NDNF: variants seen among roughly 807,000 people sequenced by gnomAD.
NDNF encodes the protein protein NDNF.
Under a neutral mutation model 42.0 loss-of-function variants are expected in NDNF, and 16 were observed. The ratio of observed to expected loss-of-function variants is 0.38; its 90% CI spans 0.26 to 0.58. The LOEUF is 0.58. Ranked by LOEUF, NDNF falls within the 20% of genes least tolerant of loss-of-function variation. NDNF has a pLI of 0.67. For missense variants in NDNF, 616 were observed against 666.2 expected, an observed-to-expected ratio of 0.92 and a Z score of 0.83; for synonymous variants, 248 against 251.7, an observed-to-expected ratio of 0.99 and a Z score of 0.14.
chr4:121,050,566 A>G (rs1258232366), intron 1 of NDNF, among the ~76,000 whole-genome samples: 1 of 152,216 alleles, frequency 6.6e-6, no homozygotes, highest in African/African-American at 2.4e-5. Flanking sequence ...AGTTGCTAGG[A>G]TAATTCCAAA....
chr4:121,070,708 A>T (rs551820692), intron 1 of NDNF, among the ~76,000 whole-genome samples: 2 of 152,352 alleles, frequency 1.3e-5, no homozygotes, highest in African/African-American at 2.4e-5. Flanking sequence ...GTTGCTAAAA[A>T]GAACTCTGTA....
chr4:121,056,513 G>T (rs1191510361), intron 1 of NDNF, among the ~76,000 whole-genome samples: 2 of 152,108 alleles, frequency 1.3e-5, no homozygotes, highest in East Asian at 3.8e-4. Flanking sequence ...ATAACTACTG[G>T]TTTTGTTTGC....
rs758021012 is a variant in NDNF, at chr4:121,037,650, C to T, written c.321G>A (p.Leu107=). The change falls in exon 4 of 4, where the codon CTG becomes CTA. Residue 107 remains leucine, a synonymous_variant. Transcript: ENST00000379692. ...EDRSGEGSGD[L]EPLEQQKQQI... ...GCTGCTTCTGCTGCTCAAGAGGTTC[C>T]AGATCACCTAGAAAATACAGGAGAA... is the stretch of plus-strand genomic sequence containing the variant. 10 of 1,573,554 alleles carry T rather than the reference C, an allele frequency of 6.4e-6. No individual in the cohort carries two copies. The highest frequency in any genetic ancestry group is 8.6e-6 in the Non-Finnish European group (10 of 1,165,700).
intron 2 of NDNF, 126 bp downstream of exon 2, chr4:121,045,524 A>G (rs1727075177): frequency 1.4e-6 from 1 of 734,138 alleles, no homozygotes; most frequent in Admixed American, 2.7e-5. Flanking sequence ...CCTTACTTAC[A>G]GAAAATCGGT....
At position 121,036,768 on chromosome 4, in the gene NDNF, C is replaced by T; in HGVS notation, c.1203G>A (p.Val401=). 1 of 1,614,142 alleles carries T rather than the reference C, an allele frequency of 6.2e-7. No individual in the cohort carries two copies. The highest frequency in any genetic ancestry group is 1.1e-5 in the South Asian group (1 of 91,084). Reference sequence around the variant, plus strand: ...TAAGCTGAAACTGCTGAATGCCTTCCACATTCTGAGACAGAAGAAGTTTCC... The same window carrying T: ...TAAGCTGAAACTGCTGAATGCCTTCTACATTCTGAGACAGAAGAAGTTTCC... ...RDGKLLLSQN[V]EGIQQFQLRG... is the part of the protein sequence containing the mutation. Residue 401 remains valine, a synonymous_variant, in exon 4 of 4, where the codon GTG becomes GTA. Coordinates refer to ENST00000379692, the MANE Select transcript of NDNF (RefSeq NM_024574.4).
intron 1 of NDNF, among the ~76,000 whole-genome samples, chr4:121,063,184 A>G (rs1727443287): frequency 6.6e-6 from 1 of 152,184 alleles, no homozygotes; most frequent in Non-Finnish European, 1.5e-5. Context: ...GAACAACTTG[A>G]TAGGTAAATT....
intron 1 of NDNF, among the ~76,000 whole-genome samples, chr4:121,055,288 A>G (rs1474384530): frequency 3.3e-5 from 5 of 152,206 alleles, no homozygotes; most frequent in African/African-American, 9.6e-5. Flanking sequence ...GCAGTTGTCC[A>G]TGGTAGAGAT....
In NDNF at chr4:121,037,476, T is replaced by C. The variant is rs764050819; in HGVS notation, c.495A>G (p.Thr165=). The change falls in exon 4 of 4, where the codon ACA becomes ACG. Residue 165 remains threonine (T), a synonymous_variant. Coordinates refer to ENST00000379692, the MANE Select transcript of NDNF (RefSeq NM_024574.4). The part of the protein sequence containing the change: ...KDTHFKVYAT[T]TPESDQPYPE... ...GGTATGGCTGATCAGATTCTGGAGT[T>C]GTGGTGGCATATACTTTGAAATGTG... 4 of 1,614,126 alleles carry C rather than the reference T, an allele frequency of 2.5e-6. No homozygotes were observed. In the South Asian group the frequency reaches 4.4e-5, roughly 18 times the overall value.
In NDNF at chr4:121,036,885, A is replaced by G; in HGVS notation, c.1086T>C (p.Phe362=). ...GAGAAGAGACTGGAGCAAACCGTAG[A>G]AACTTTGCTCCCTTCCTTTTAACAA... ...DVFVKRKGAK[F]LRFAPVSSHQ... Residue 362 remains phenylalanine, a synonymous_variant, in exon 4 of 4, where the codon TTT becomes TTC. Transcript: ENST00000379692. The G allele has an allele frequency of 1.9e-6, 3 of 1,614,048 alleles. No individual in the cohort carries two copies. The highest frequency in any genetic ancestry group is 2.5e-6 in the Non-Finnish European group (3 of 1,180,020).
rs1478410315 is a variant in NDNF, at chr4:121,037,022, C to T, written c.949G>A (p.Val317Ile). ...GTGCTCATGTTGCTGTTGATGTTGA[C>T]CACAAATACATCAAAGTAGTACTGC... Reference protein sequence around the residue: ...DTQYYFDVFVVNINSNMSTAY... With the variant: ...DTQYYFDVFVININSNMSTAY... Residue 317 changes from valine (V) to isoleucine (I), a missense_variant, in exon 4 of 4, where the codon GTC (valine) becomes ATC (isoleucine). By Grantham distance (29) the Val-to-Ile change is conservative (BLOSUM62 3). Coordinates refer to ENST00000379692, the MANE Select transcript of NDNF (RefSeq NM_024574.4). 1 of 1,613,948 alleles carries T rather than the reference C, an allele frequency of 6.2e-7. No homozygotes were observed. The highest frequency in any genetic ancestry group is 8.5e-7 in the Non-Finnish European group (1 of 1,180,014).
intron 1 of NDNF, among the ~76,000 whole-genome samples, chr4:121,057,911 A>G (rs1727325657): frequency 6.6e-6 from 1 of 152,192 alleles, no homozygotes; most frequent in Admixed American, 6.5e-5. Flanking sequence ...TTAAGTGCCT[A>G]CTGCAAGTCC....
At chr4:121,046,231 A>G (rs967598415) in intron 1 of NDNF, among the ~76,000 whole-genome samples, 4 of 152,208 alleles carry the variant, frequency 2.6e-5, no homozygotes, top group African/African-American at 7.2e-5. Flanking sequence ...TTGAACTATT[A>G]TAAAAGTTAT....
At chr4:121,071,763 CAACAAT>C (rs1468002771) in intron 1 of NDNF, 1 of 58,312 alleles carries the variant, frequency 1.7e-5, no homozygotes, top group Non-Finnish European at 3.9e-5. Context: ...CAAACAACAA[CAACAAT>C]AAAAAAAAAA....
chr4:121,058,847 T>C (rs978075944), intron 1 of NDNF, among the ~76,000 whole-genome samples: 5 of 152,268 alleles, frequency 3.3e-5, no homozygotes, highest in African/African-American at 1.2e-4. Flanking sequence ...CACTGGCATC[T>C]TTACAAACAA....
intron 1 of NDNF, among the ~76,000 whole-genome samples, chr4:121,057,739 G>T (rs1484459074): frequency 1.3e-5 from 2 of 152,228 alleles, no homozygotes; most frequent in Non-Finnish European, 2.9e-5. Flanking sequence ...TGTTCCTACA[G>T]AGGGAGGATG....
At chr4:121,043,362 G>C (rs1224916358) in intron 2 of NDNF, among the ~76,000 whole-genome samples, 2 of 152,128 alleles carry the variant, frequency 1.3e-5, no homozygotes, top group Non-Finnish European at 2.9e-5. Flanking sequence ...TCAACAACAT[G>C]TTTGTGTGCT....
chr4:121,058,444 C>T (rs1400667201), intron 1 of NDNF, among the ~76,000 whole-genome samples: 1 of 152,166 alleles, frequency 6.6e-6, no homozygotes, highest in Non-Finnish European at 1.5e-5. Flanking sequence ...TCCACTCCTT[C>T]CTCTGCCAGA....
At chr4:121,053,165 A>G (rs986054930) in intron 1 of NDNF, among the ~76,000 whole-genome samples, 1 of 152,240 alleles carries the variant, frequency 6.6e-6, no homozygotes, top group Non-Finnish European at 1.5e-5. Flanking sequence ...GGACCTGCAC[A>G]TGCATTTCAA....
At chr4:121,061,469 C>T (rs1398807710) in intron 1 of NDNF, 1 of 152,448 alleles carries the variant, frequency 6.6e-6, no homozygotes, top group Non-Finnish European at 1.5e-5. Flanking sequence ...GCCAGATCGC[C>T]CTCACGTCCA....
Sources: gnomAD v4.1 joint callset for allele counts (sites outside exome capture counted in the v4.1 genomes callset) on GRCh38, gnomAD v4.1.1 for gene constraint, MANE v1.5 for transcripts, NCBI Gene and HGNC (gene_info 2026-07-23, HGNC 2026-07-21) for gene names.